The following ACSL5 variants were observed in gnomAD, a reference collection of about 807,000 sequenced individuals.
The protein encoded by ACSL5 is acyl-CoA synthetase long chain family member 5.
In ACSL5, 50 loss-of-function variants were observed where a neutral mutation model predicts 84.9. That is an observed-to-expected ratio of 0.59 (90% CI 0.47 to 0.75). ACSL5 has a LOEUF of 0.75. Among genes scored for constraint, ACSL5 ranks in the 30% least tolerant of loss-of-function variants. The probability of loss-of-function intolerance (pLI) is 0.00; values close to 1 mark genes in which losing one functional copy is unlikely to be tolerated. For missense variants in ACSL5, 775 were observed against 830.4 expected, an observed-to-expected ratio of 0.93 and a Z score of 0.82; for synonymous variants, 280 against 300.7, an observed-to-expected ratio of 0.93 and a Z score of 0.71.
At chr10:112,413,031 G>T in intron 11 of ACSL5, 142 bp from the exon 12 acceptor site, 2 of 815,746 alleles carry the variant, frequency 2.5e-6, no homozygotes, top group African/African-American at 3.4e-5. Flanking sequence ...GTGTGCCTCA[G>T]CCCACTTCCC....
At chr10:112,399,495 C>T (rs1056748907) in intron 3 of ACSL5, among the ~76,000 whole-genome samples, 2 of 152,232 alleles carry the variant, frequency 1.3e-5, no homozygotes, top group Non-Finnish European at 1.5e-5. Flanking sequence ...TACCATCCTA[C>T]TGACCAAAGT....
chr10:112,409,612 A>AT lies in ACSL5; in HGVS notation c.638_639insT (p.Phe215LeufsTer2). On this transcript the variant is annotated frameshift_variant, in exon 7 of 21. Coordinates refer to ENST00000354655, the MANE Select transcript of ACSL5 (RefSeq NM_203379.2). LOFTEE classifies it high-confidence loss of function. ...AGCCTGAAGGTGATCATCCTTATGGACCCCTTTGATGATGACCTGAAGCAA... is the reference window on the plus strand; with the variant it reads ...AGCCTGAAGGTGATCATCCTTATGGATCCCCTTTGATGATGACCTGAAGCAA... 6.2e-7 allele frequency: 1 copy of AT among 1,614,064 alleles called. No homozygotes were observed.
chr10:112,418,104 T>C (rs975926823), intron 14 of ACSL5, among the ~76,000 whole-genome samples, 163 bp downstream of exon 14: 3 of 152,250 alleles, frequency 2.0e-5, no homozygotes, highest in Admixed American at 6.5e-5. Flanking sequence ...CAGGCATCTG[T>C]GTGTAGAAAC....
chr10:112,417,465 T>G (rs1419389603), intron 13 of ACSL5, among the ~76,000 whole-genome samples: 3 of 150,236 alleles, frequency 2.0e-5, no homozygotes, highest in Admixed American at 1.3e-4. Flanking sequence ...ATAGCACCAC[T>G]GCACTCCAGC....
At chr10:112,376,786 C>T (rs1356083716) in intron 1 of ACSL5, among the ~76,000 whole-genome samples, 3 of 151,936 alleles carry the variant, frequency 2.0e-5, no homozygotes, top group Non-Finnish European at 2.9e-5. Flanking sequence ...GGTTTGCCCT[C>T]AATTTTATGT....
rs1844484237 is a variant in ACSL5 at position 112,422,312 on chromosome 10, G to C, written c.1477-13G>C. 5.6e-6 allele frequency: 9 copies of C among 1,607,504 alleles called. No individual in the cohort carries two copies. In the East Asian group the frequency reaches 1.8e-4, roughly 32 times the overall value. On this transcript the variant is annotated splice_polypyrimidine_tract_variant and intron_variant, in intron 16 of 20. Coordinates refer to ENST00000354655, the MANE Select transcript of ACSL5 (RefSeq NM_203379.2). Reference sequence around the variant, plus strand: ...CTTTGCTATTGTCACCGCCTTGTATGTCTGCTGTGCAGGTCTGCATCAAGG... The same window carrying C: ...CTTTGCTATTGTCACCGCCTTGTATCTCTGCTGTGCAGGTCTGCATCAAGG...
chr10:112,420,711 CT>C (rs536651101), intron 14 of ACSL5, among the ~76,000 whole-genome samples: 14 of 151,666 alleles, frequency 9.2e-5, no homozygotes, highest in Non-Finnish European at 1.5e-4. Flanking sequence ...ATTTTCTTTT[CT>C]TTTTTTTCTT....
chr10:112,422,629 GTGGA>G (rs1448475893), intron 17 of ACSL5, among the ~76,000 whole-genome samples, 188 bp downstream of exon 17: 1 of 152,154 alleles, frequency 6.6e-6, no homozygotes, highest in South Asian at 2.1e-4. Context: ...GACTGAGGTG[GTGGA>G]TCACCTGAGG....
chr10:112,398,999 C>T lies in ACSL5; in HGVS notation c.255C>T (p.Leu85=), dbSNP rs758967881. Residue 85 remains leucine (L), a synonymous_variant, in exon 3 of 21, where the codon CTC becomes CTT. Transcript: ENST00000354655. Reference sequence around the variant, plus strand: ...TGTATGAGGTTTTCCAAAGAGGACTCGCTGTGTCTGGTAAGCCTGGTGGTC... The same window carrying T: ...TGTATGAGGTTTTCCAAAGAGGACTTGCTGTGTCTGGTAAGCCTGGTGGTC... ...KTMYEVFQRG[L]AVSDNGPCLG... The T allele has an allele frequency of 5.6e-6, 9 of 1,613,294 alleles. No individual in the cohort carries two copies. The highest frequency in any genetic ancestry group is 1.6e-4 in the Middle Eastern group (1 of 6,068).
chr10:112,427,512 A>G lies in ACSL5; in HGVS notation c.*154A>G. Reference sequence around the variant, plus strand: ...CTTTTGTTTTATATTGAGACATATAATGTGTAAACTTAGTTCCCAAATAAA... The same window carrying G: ...CTTTTGTTTTATATTGAGACATATAGTGTGTAAACTTAGTTCCCAAATAAA... On this transcript the variant is annotated 3_prime_UTR_variant, in exon 21 of 21. Transcript: ENST00000354655. 1 of 613,664 alleles carries G rather than the reference A, an allele frequency of 1.6e-6. No homozygotes were observed. 38.0% of individuals were successfully genotyped at this position (613,664 alleles called of 1,614,324 possible). A position where few individuals can be genotyped will look rare whatever the true frequency, so the allele number is the denominator to read the frequency against.
At chr10:112,406,609 C>T (rs1844043280) in intron 5 of ACSL5, 1 of 152,176 alleles carries the variant, frequency 6.6e-6, no homozygotes, top group Non-Finnish European at 1.5e-5. Flanking sequence ...TAATGTGTAT[C>T]CACACAATGA....
At chr10:112,387,627 T>C (rs1434190567) in intron 1 of ACSL5, among the ~76,000 whole-genome samples, 1 of 152,190 alleles carries the variant, frequency 6.6e-6, no homozygotes, top group African/African-American at 2.4e-5. Flanking sequence ...ACAGTTCCCT[T>C]TGGAGTCATT....
At chr10:112,385,499 A>C (rs943900386) in intron 1 of ACSL5, among the ~76,000 whole-genome samples, 1 of 152,204 alleles carries the variant, frequency 6.6e-6, no homozygotes, top group Non-Finnish European at 1.5e-5. Context: ...TTCACGTTGC[A>C]TTTCTCACCG....
intron 5 of ACSL5, among the ~76,000 whole-genome samples, chr10:112,407,279 A>G (rs939920180): frequency 1.5e-4 from 23 of 152,080 alleles, no homozygotes; most frequent in Admixed American, 1.4e-3. Context: ...GCTGGAGTAC[A>G]GTGGTGCCAT....
intron 2 of ACSL5, among the ~76,000 whole-genome samples, chr10:112,395,532 G>A (rs562405057): frequency 1.3e-5 from 2 of 152,284 alleles, no homozygotes; most frequent in Admixed American, 6.5e-5. Context: ...TTTGGGGACA[G>A]GATGACATTT....
chr10:112,376,778 T>G (rs1849249316), intron 1 of ACSL5, among the ~76,000 whole-genome samples: 1 of 151,562 alleles, frequency 6.6e-6, no homozygotes, highest in Non-Finnish European at 1.5e-5. Context: ...GGGCTGGGGG[T>G]TTGCCCTCAA....
At chr10:112,418,476 G>A (rs1277817797) in intron 14 of ACSL5, among the ~76,000 whole-genome samples, 2 of 152,128 alleles carry the variant, frequency 1.3e-5, no homozygotes, top group Admixed American at 6.5e-5. Context: ...CAGCTACTCG[G>A]GAGGCTGAGG....
At chr10:112,376,912 A>G (rs1160513041) in intron 1 of ACSL5, among the ~76,000 whole-genome samples, 2 of 151,874 alleles carry the variant, frequency 1.3e-5, no homozygotes, top group African/African-American at 4.8e-5. Flanking sequence ...ATTCCTAAGT[A>G]CTTCCTTCCC....
chr10:112,409,544 GGCATTGGT>G lies in ACSL5; in HGVS notation c.573_580del (p.Leu192AspfsTer22). On this transcript the variant is annotated frameshift_variant, in exon 7 of 21. Transcript: ENST00000354655. LOFTEE classifies it high-confidence loss of function. ...TGGTGATCTGTGACACACCCCAAAA[GGCATTGGT>G]GCTGATAGGGAATGTAGAGAAAGGC... 6.2e-7 allele frequency: 1 copy of G among 1,613,838 alleles called. No homozygotes were observed. Among genetic ancestry groups the G allele is most frequent in the East Asian group, 2.2e-5 (1 of 44,890 alleles).
Sources: gnomAD v4.1 joint callset for allele counts (sites outside exome capture counted in the v4.1 genomes callset) on GRCh38, gnomAD v4.1.1 for gene constraint, MANE v1.5 for transcripts, NCBI Gene and HGNC (gene_info 2026-07-23, HGNC 2026-07-21) for gene names.